Variants in SPATA9 observed in about 807,000 individuals in gnomAD.
The protein encoded by SPATA9 is spermatogenesis associated 9, also known as spermatogenesis-associated protein 9.
In SPATA9, 27 loss-of-function variants were observed where a neutral mutation model predicts 25.5. The ratio of observed to expected loss-of-function variants is 1.06; its 90% CI spans 0.78 to 1.46. The LOEUF (loss-of-function observed/expected upper bound fraction) is 1.46, where lower values mean the gene tolerates loss of function less well. SPATA9 is among the 40% of genes most tolerant of loss of function. SPATA9 has a pLI of 0.00. For synonymous variants in SPATA9, 102 were observed against 105.7 expected, an observed-to-expected ratio of 0.97 and a Z score of 0.21; for missense variants, 282 against 297.5, an observed-to-expected ratio of 0.95 and a Z score of 0.38.
the SPATA9 span, among the ~76,000 whole-genome samples, chr5:95,719,472 G>A: frequency 6.6e-6 from 1 of 152,216 alleles, no homozygotes; most frequent in East Asian, 1.9e-4. Flanking sequence ...AATGGGGCAA[G>A]TTAGGTTAAA....
upstream of SPATA9, among the ~76,000 whole-genome samples, chr5:95,685,900 G>A (rs778979933): frequency 1.3e-5 from 2 of 152,100 alleles, no homozygotes; most frequent in Non-Finnish European, 2.9e-5. Context: ...GCAGTGGCGC[G>A]ATCTCGGCTC....
At chr5:95,654,235 C>G (rs555150921), downstream of SPATA9, 1 of 1,611,222 alleles carries the variant, frequency 6.2e-7, no homozygotes, top group South Asian at 1.1e-5. Flanking sequence ...TTCGCTGTTA[C>G]CGTAAGATTT....
At chr5:95,722,825 G>A in the SPATA9 span, among the ~76,000 whole-genome samples, 2 of 152,184 alleles carry the variant, frequency 1.3e-5, no homozygotes, top group Admixed American at 1.3e-4. Context: ...TAACAGAGCA[G>A]GCATATTAAA....
the SPATA9 span, among the ~76,000 whole-genome samples, chr5:95,729,993 A>C: frequency 6.6e-6 from 1 of 152,186 alleles, no homozygotes; most frequent in Non-Finnish European, 1.5e-5. Flanking sequence ...ACCCAAGAGA[A>C]AAAGTGATCT....
At chr5:95,724,931 T>C in the SPATA9 span, among the ~76,000 whole-genome samples, 1 of 152,086 alleles carries the variant, frequency 6.6e-6, no homozygotes, top group Non-Finnish European at 1.5e-5. Flanking sequence ...CATGCACCTG[T>C]AGTCCCAGCT....
intron 1 of SPATA9, among the ~76,000 whole-genome samples, chr5:95,692,635 C>T (rs1203854942): frequency 6.6e-6 from 1 of 152,024 alleles, no homozygotes; most frequent in Non-Finnish European, 1.5e-5. Context: ...ATGCCTTTCA[C>T]TATATCCCAT....
At chr5:95,706,778 ACATT>A in the SPATA9 span, among the ~76,000 whole-genome samples, 1 of 152,206 alleles carries the variant, frequency 6.6e-6, no homozygotes, top group Non-Finnish European at 1.5e-5. Context: ...AACTCTGAAT[ACATT>A]ATCTAATCCT....
intron 3 of SPATA9, among the ~76,000 whole-genome samples, chr5:95,672,384 G>A (rs1752476158): frequency 6.6e-6 from 1 of 151,728 alleles, no homozygotes; most frequent in African/African-American, 2.4e-5. Context: ...TTGGTCTCAG[G>A]TTGCTGGAAC....
downstream of SPATA9, chr5:95,656,335 G>A (rs747678988): frequency 2.0e-5 from 31 of 1,558,306 alleles, no homozygotes; most frequent in East Asian, 4.5e-5. Context: ...AATGAAAAAT[G>A]TTGTGTATGC....
At chr5:95,714,123 G>A in the SPATA9 span, among the ~76,000 whole-genome samples, 1 of 151,844 alleles carries the variant, frequency 6.6e-6, no homozygotes, top group African/African-American at 2.4e-5. Context: ...TGCTGAGTTT[G>A]CATAAATATA....
At chr5:95,692,229 C>T (rs1329040242) in intron 1 of SPATA9, among the ~76,000 whole-genome samples, 1 of 151,956 alleles carries the variant, frequency 6.6e-6, no homozygotes, top group Non-Finnish European at 1.5e-5. Flanking sequence ...CAGAATATTT[C>T]AAATTTCTTT....
At chr5:95,684,011 G>A (rs1032269743), upstream of SPATA9, among the ~76,000 whole-genome samples, 3 of 152,100 alleles carry the variant, frequency 2.0e-5, no homozygotes, top group African/African-American at 7.2e-5. Flanking sequence ...CTTCATCCCA[G>A]GATTCCTCTA....
chr5:95,731,261 C>A, the SPATA9 span: 1 of 1,008,320 alleles, frequency 9.9e-7, no homozygotes, highest in Non-Finnish European at 1.2e-6. Context: ...TGCGCCCGGT[C>A]CGCTGAGGGG....
intron 2 of SPATA9, among the ~76,000 whole-genome samples, chr5:95,678,316 G>A (rs1041765232): frequency 2.6e-5 from 4 of 152,194 alleles, no homozygotes; most frequent in East Asian, 3.8e-4. Context: ...GGCAGAGGTC[G>A]CAGTGAGTGG....
At chr5:95,708,451 T>G in the SPATA9 span, among the ~76,000 whole-genome samples, 1 of 152,180 alleles carries the variant, frequency 6.6e-6, no homozygotes, top group African/African-American at 2.4e-5. Context: ...TTTTTTCTAG[T>G]ACATAATTTA....
chr5:95,665,126 A>G (rs1221747184), intron 3 of SPATA9, among the ~76,000 whole-genome samples: 3 of 152,210 alleles, frequency 2.0e-5, no homozygotes, highest in Non-Finnish European at 4.4e-5. Flanking sequence ...TGATGTTCCC[A>G]TAGAAGTCTA....
downstream of SPATA9, chr5:95,654,223 T>C (rs776148534): frequency 2.5e-6 from 4 of 1,612,466 alleles, no homozygotes; most frequent in Non-Finnish European, 3.4e-6. Flanking sequence ...ATGCTATGGA[T>C]ATTCGCTGTT....
chr5:95,708,773 C>T, the SPATA9 span: 5 of 622,380 alleles, frequency 8.0e-6, no homozygotes, highest in South Asian at 1.8e-5. Flanking sequence ...GCACATAGAT[C>T]GACTGCAAAG....
chr5:95,709,999 T>G, the SPATA9 span, among the ~76,000 whole-genome samples: 1 of 152,130 alleles, frequency 6.6e-6, no homozygotes, highest in Non-Finnish European at 1.5e-5. Context: ...GTAGCAAAGG[T>G]GTACCTGCTG....
Sources: allele counts gnomAD v4.1 joint callset (sites outside exome capture counted in the v4.1 genomes callset), GRCh38; gene constraint gnomAD v4.1.1; transcripts MANE v1.5; gene names NCBI Gene and HGNC (gene_info 2026-07-23, HGNC 2026-07-21).